The following CCDC102B variants were observed in gnomAD, a reference collection of about 807,000 sequenced individuals.
The protein encoded by CCDC102B is coiled-coil domain-containing protein 102B.
In CCDC102B, 75 loss-of-function variants were observed where a neutral mutation model predicts 57.4. The observed-to-expected ratio is 1.31, with a 90% CI of 1.08 to 1.58. The LOEUF (loss-of-function observed/expected upper bound fraction) is 1.58, where lower values mean the gene tolerates loss of function less well. Among genes scored for constraint, CCDC102B ranks in the 40% most tolerant of loss-of-function variants. CCDC102B has a pLI of 0.00. For synonymous variants in CCDC102B, 206 were observed against 201.9 expected, an observed-to-expected ratio of 1.02 and a Z score of -0.17; for missense variants, 636 against 582.6, an observed-to-expected ratio of 1.09 and a Z score of -0.94.
chr18:68,979,687 A>G (rs904429557), intron 6 of CCDC102B, among the ~76,000 whole-genome samples: 11 of 152,056 alleles, frequency 7.2e-5, no homozygotes, highest in Admixed American at 3.9e-4. Flanking sequence ...TGTCTAAGAC[A>G]TTTGCAAAGA....
intron 7 of CCDC102B, among the ~76,000 whole-genome samples, chr18:69,033,246 T>G (rs17819720): frequency 0.27 from 40,898 of 152,030 alleles, 6,192 homozygotes; most frequent in South Asian, 0.35. Context: ...AAAATGCATG[T>G]CATACTTATT....
intron 6 of CCDC102B, among the ~76,000 whole-genome samples, chr18:68,966,290 T>C (rs1310889445): frequency 6.6e-6 from 1 of 152,154 alleles, no homozygotes; most frequent in South Asian, 2.1e-4. Context: ...CTTGTTCTGA[T>C]GACTGCCTTA....
intron 3 of CCDC102B, 34 bp downstream of exon 3, chr18:68,838,960 C>CT (rs2037505689): frequency 1.9e-6 from 3 of 1,546,758 alleles, no homozygotes; most frequent in Non-Finnish European, 2.7e-6. Context: ...TTAACCAAGT[C>CT]TAAGTTTCAA....
intron 1 of CCDC102B, among the ~76,000 whole-genome samples, chr18:68,808,324 G>C (rs1464933806): frequency 6.6e-6 from 1 of 151,970 alleles, no homozygotes; most frequent in Non-Finnish European, 1.5e-5. Context: ...GGACAAAGAA[G>C]TCAGCATTTT....
chr18:68,902,790 T>C (rs1754370442), intron 6 of CCDC102B, among the ~76,000 whole-genome samples: 2 of 152,240 alleles, frequency 1.3e-5, no homozygotes. Context: ...CCTTTCCTGA[T>C]CTACCTGAAT....
At chr18:68,998,166 T>A (rs1401202402) in intron 6 of CCDC102B, among the ~76,000 whole-genome samples, 2 of 152,016 alleles carry the variant, frequency 1.3e-5, no homozygotes, top group African/African-American at 2.4e-5. Context: ...GATTTTTTTT[T>A]AATTTAATGA....
At chr18:68,995,422 C>T (rs1227043880) in intron 6 of CCDC102B, among the ~76,000 whole-genome samples, 3 of 152,102 alleles carry the variant, frequency 2.0e-5, no homozygotes, top group Admixed American at 6.5e-5. Flanking sequence ...GAGGAAAAAA[C>T]GGTTTCCTGG....
At chr18:68,806,096 T>C (rs1324616178) in intron 1 of CCDC102B, among the ~76,000 whole-genome samples, 2 of 152,168 alleles carry the variant, frequency 1.3e-5, no homozygotes, top group Non-Finnish European at 1.5e-5. Flanking sequence ...AAATTTTGGA[T>C]AAAAATAAAA....
At chr18:69,036,517 A>G (rs2052296443) in intron 7 of CCDC102B, among the ~76,000 whole-genome samples, 1 of 152,150 alleles carries the variant, frequency 6.6e-6, no homozygotes, top group South Asian at 2.1e-4. Flanking sequence ...AATTATTTAT[A>G]TAGAAATTTT....
intron 2 of CCDC102B, among the ~76,000 whole-genome samples, chr18:68,746,769 A>C (rs551389260): frequency 1.3e-4 from 20 of 151,924 alleles, no homozygotes; most frequent in African/African-American, 4.8e-4. Context: ...ATTAAAATAT[A>C]ATTGAGATAT....
intron 4 of CCDC102B, among the ~76,000 whole-genome samples, chr18:68,848,662 C>T (rs1421362112): frequency 1.3e-5 from 2 of 152,002 alleles, no homozygotes; most frequent in Non-Finnish European, 2.9e-5. Context: ...GAATTTAATA[C>T]TTACTCAGCT....
chr18:68,847,884 G>A (rs1404340101), intron 4 of CCDC102B, among the ~76,000 whole-genome samples: 1 of 151,678 alleles, frequency 6.6e-6, no homozygotes, highest in African/African-American at 2.4e-5. Context: ...TAAATATAAA[G>A]ATGAAACATT....
chr18:69,047,324 T>C (rs1328932203), intron 7 of CCDC102B, among the ~76,000 whole-genome samples: 2 of 152,070 alleles, frequency 1.3e-5, no homozygotes, highest in Non-Finnish European at 2.9e-5. Context: ...GAAAACACTT[T>C]CAATAAAATC....
chr18:68,762,583 AT>A (rs1332017635), intron 2 of CCDC102B, among the ~76,000 whole-genome samples: 3 of 152,084 alleles, frequency 2.0e-5, no homozygotes, highest in Non-Finnish European at 4.4e-5. Context: ...GATGATGGTA[AT>A]TTAGATATGC....
At chr18:68,720,849 G>C (rs1198947458) in intron 2 of CCDC102B, among the ~76,000 whole-genome samples, 1 of 152,160 alleles carries the variant, frequency 6.6e-6, no homozygotes, top group Non-Finnish European at 1.5e-5. Context: ...TAGGCAGAGG[G>C]TGGCTTGAGG....
At chr18:68,941,586 C>T (rs570186203) in intron 6 of CCDC102B, among the ~76,000 whole-genome samples, 15 of 152,138 alleles carry the variant, frequency 9.9e-5, no homozygotes, top group African/African-American at 1.7e-4. Context: ...TGTAAATGAA[C>T]GTCAATGTGA....
At chr18:68,933,349 G>C (rs188270986) in intron 6 of CCDC102B, among the ~76,000 whole-genome samples, 5 of 152,004 alleles carry the variant, frequency 3.3e-5, no homozygotes, top group Admixed American at 3.3e-4. Flanking sequence ...ATTTTAAGGA[G>C]ATAAGTTCAT....
intron 7 of CCDC102B, among the ~76,000 whole-genome samples, chr18:69,040,769 GTTTT>G (rs1376989013): frequency 6.6e-6 from 1 of 151,990 alleles, no homozygotes; most frequent in East Asian, 1.9e-4. Flanking sequence ...TAATCTCTGT[GTTTT>G]TTAAGATTGG....
chr18:68,973,214 C>T (rs543815549), intron 6 of CCDC102B, among the ~76,000 whole-genome samples: 1 of 152,096 alleles, frequency 6.6e-6, no homozygotes, highest in South Asian at 2.1e-4. Flanking sequence ...GGAGGGAGCT[C>T]TTCTAGTGTT....
Sources: gnomAD v4.1 joint callset for allele counts (sites outside exome capture counted in the v4.1 genomes callset) on GRCh38, gnomAD v4.1.1 for gene constraint, MANE v1.5 for transcripts, NCBI Gene and HGNC (gene_info 2026-07-23, HGNC 2026-07-21) for gene names.